Variants in SLC41A3 observed in about 807,000 individuals in gnomAD.
The protein encoded by SLC41A3 is solute carrier family 41 member 3, also known as SLC41A1-like 2.
Under a neutral mutation model 45.4 loss-of-function variants are expected in SLC41A3, and 44 were observed. The ratio of observed to expected loss-of-function variants is 0.97; its 90% CI spans 0.76 to 1.25. SLC41A3 has a LOEUF of 1.25. SLC41A3 is among the 50% of genes most tolerant of loss of function. The pLI is 0.00. For missense variants in SLC41A3, 550 were observed against 600.6 expected (o/e 0.92, Z 0.88); for synonymous variants, 256 against 252.4 (o/e 1.01, Z -0.13).
intron 4 of SLC41A3, among the ~76,000 whole-genome samples, chr3:126,031,350 A>G (rs1004783910): frequency 2.0e-5 from 3 of 152,194 alleles, no homozygotes; most frequent in African/African-American, 7.2e-5. Flanking sequence ...TATCTTAGGA[A>G]TTTCATGCAC....
chr3:126,036,065 G>T (rs902596510), intron 3 of SLC41A3, among the ~76,000 whole-genome samples: 7 of 152,196 alleles, frequency 4.6e-5, no homozygotes, highest in Admixed American at 1.3e-4. Flanking sequence ...GTGCATTTAA[G>T]ATTTCATTGA....
At position 126,068,262 on chromosome 3, in the gene SLC41A3, C is replaced by G; in HGVS notation, c.-27-16G>C. On this transcript the variant is annotated splice_polypyrimidine_tract_variant and intron_variant, in intron 1 of 10. Transcript: ENST00000360370. ...CCTGGCAGCCCTACAGTGGGAGACA[C>G]AAAGTTGTAGGGCCAAGTTCCTGAT... 2 of 1,480,472 alleles carry G rather than the reference C, an allele frequency of 1.4e-6. No individual in the cohort carries two copies. Among genetic ancestry groups the G allele is most frequent in the Non-Finnish European group, 1.8e-6 (2 of 1,117,372 alleles). 91.7% of individuals were successfully genotyped at this position (1,480,472 alleles called of 1,614,324 possible). A position where few individuals can be genotyped will look rare whatever the true frequency, so the allele number is the denominator to read the frequency against.
intron 1 of SLC41A3, among the ~76,000 whole-genome samples, chr3:126,080,813 T>C (rs1194078385): frequency 2.0e-5 from 3 of 152,108 alleles, no homozygotes; most frequent in Non-Finnish European, 4.4e-5. Context: ...TAGCTGGGTG[T>C]GGTGACACAC....
intron 8 of SLC41A3, 126 bp from the exon 9 acceptor site, chr3:126,012,875 T>C: frequency 7.1e-7 from 1 of 1,401,048 alleles, no homozygotes; most frequent in Non-Finnish European, 9.6e-7. Context: ...TATCTTTTCC[T>C]TTCCTCCCAC....
At chr3:126,014,080 G>A (rs991082783) in intron 8 of SLC41A3, among the ~76,000 whole-genome samples, 2 of 152,168 alleles carry the variant, frequency 1.3e-5, no homozygotes, top group African/African-American at 4.8e-5. Flanking sequence ...CTGATGGAAG[G>A]TGGGGATTCC....
intron 2 of SLC41A3, among the ~76,000 whole-genome samples, chr3:126,059,384 C>T (rs564121258): frequency 2.6e-5 from 4 of 152,026 alleles, no homozygotes; most frequent in East Asian, 1.9e-4. Context: ...CTCGGCCACA[C>T]GCAAACAGTC....
intron 8 of SLC41A3, among the ~76,000 whole-genome samples, 193 bp from the exon 9 acceptor site, chr3:126,012,942 G>T (rs1939873669): frequency 6.6e-6 from 1 of 152,148 alleles, no homozygotes; most frequent in African/African-American, 2.4e-5. Flanking sequence ...TGTGAGTGAG[G>T]TATCCAGGGA....
At chr3:126,087,954 T>C (rs974415972), upstream of SLC41A3, among the ~76,000 whole-genome samples, 2 of 152,126 alleles carry the variant, frequency 1.3e-5, no homozygotes, top group Non-Finnish European at 2.9e-5. Flanking sequence ...ATTTTTAATG[T>C]AATAAGTTTT....
In SLC41A3 at chr3:126,040,009, A is replaced by T. The variant is rs561541295; in HGVS notation, c.382-6331T>A. Among the ~76,000 whole-genome samples, 12 of 75,476 alleles carry T rather than the reference A, an allele frequency of 1.6e-4. No individual in the cohort carries two copies. The East Asian group carries it at 2.7e-3, about 17-fold the overall frequency. 49.5% of individuals were successfully genotyped at this position (75,476 alleles called of 152,430 possible). A position where few individuals can be genotyped will look rare whatever the true frequency, so the allele number is the denominator to read the frequency against. On this transcript the variant is annotated intron_variant, in intron 3 of 10. Transcript: ENST00000360370. ...GCCAGCTTCCTTAGGAAAATGGCTCATTAGGGCCAGGGCAAGGAAAATATA... is the reference window on the plus strand; with the variant it reads ...GCCAGCTTCCTTAGGAAAATGGCTCTTTAGGGCCAGGGCAAGGAAAATATA...
intron 10 of SLC41A3, 81 bp downstream of exon 10, chr3:126,008,651 C>T (rs892588177): frequency 1.3e-6 from 2 of 1,580,464 alleles, no homozygotes; most frequent in African/African-American, 1.3e-5. Context: ...CCGCCTCCCT[C>T]AGCCTCTCAC....
intron 3 of SLC41A3, among the ~76,000 whole-genome samples, chr3:126,035,812 G>A (rs992293407): frequency 3.7e-4 from 56 of 152,286 alleles, no homozygotes; most frequent in African/African-American, 1.3e-3. Context: ...GTTTGGTCAA[G>A]GAAGGAGTGT....
intron 2 of SLC41A3, among the ~76,000 whole-genome samples, chr3:126,051,311 T>C: frequency 6.6e-6 from 1 of 152,236 alleles, no homozygotes; most frequent in Non-Finnish European, 1.5e-5. Flanking sequence ...GTGGCAGCCA[T>C]GCTGCATGTG....
chr3:126,061,642 C>T (rs1944076412), intron 2 of SLC41A3, among the ~76,000 whole-genome samples: 1 of 152,156 alleles, frequency 6.6e-6, no homozygotes, highest in African/African-American at 2.4e-5. Context: ...TGTCAAGGGT[C>T]CACCATACCC....
chr3:126,089,578 A>G (rs762120614), intron 1 of SLC41A3, among the ~76,000 whole-genome samples: 4 of 152,192 alleles, frequency 2.6e-5, no homozygotes, highest in South Asian at 2.1e-4. Flanking sequence ...CCCACATACT[A>G]TAGGGTAGAA....
chr3:126,033,772 A>G, intron 3 of SLC41A3, 94 bp from the exon 4 acceptor site: 1 of 1,283,102 alleles, frequency 7.8e-7, no homozygotes, highest in Admixed American at 2.2e-5. Context: ...GGAAGAAATC[A>G]ACAAATACCA....
chr3:126,022,429 G>A (rs1940965483), intron 6 of SLC41A3, among the ~76,000 whole-genome samples: 1 of 152,232 alleles, frequency 6.6e-6, no homozygotes, highest in South Asian at 2.1e-4. Flanking sequence ...GCAGCATTTG[G>A]TGAGGGCCTT....
At chr3:126,058,659 A>G (rs1943824156) in intron 2 of SLC41A3, among the ~76,000 whole-genome samples, 1 of 152,188 alleles carries the variant, frequency 6.6e-6, no homozygotes, top group East Asian at 1.9e-4. Context: ...CTTCACAGGC[A>G]CAACCCACAG....
intron 3 of SLC41A3, 164 bp downstream of exon 3, chr3:126,050,779 G>A: frequency 8.0e-7 from 1 of 1,248,918 alleles, no homozygotes; most frequent in South Asian, 2.2e-5. Flanking sequence ...CCAAGGCATT[G>A]GGCTGGGAGA....
intron 1 of SLC41A3, among the ~76,000 whole-genome samples, chr3:126,094,799 C>G (rs1189752734): frequency 6.6e-6 from 1 of 152,182 alleles, no homozygotes; most frequent in African/African-American, 2.4e-5. Context: ...CTATAAAAAG[C>G]AAAGCTTGTA....
Sources: allele counts gnomAD v4.1 joint callset (sites outside exome capture counted in the v4.1 genomes callset), GRCh38; gene constraint gnomAD v4.1.1; transcripts MANE v1.5; gene names NCBI Gene and HGNC (gene_info 2026-07-23, HGNC 2026-07-21).